PHLPP1: variants seen among roughly 807,000 people sequenced by gnomAD.
PHLPP1 encodes the protein PH domain and leucine rich repeat protein phosphatase 1.
A neutral mutation model predicts 117.2 loss-of-function variants in PHLPP1; 42 were observed. The ratio of observed to expected loss-of-function variants is 0.36; its 90% confidence interval spans 0.28 to 0.46. The LOEUF (loss-of-function observed/expected upper bound fraction) is 0.46. Among genes scored for constraint, PHLPP1 ranks in the 20% least tolerant of loss-of-function variants. The pLI, the probability that PHLPP1 is intolerant of heterozygous loss-of-function variation, is 1.00. For missense variants in PHLPP1, 2,084 were observed against 2,241.9 expected, an observed-to-expected ratio of 0.93 and a Z score of 1.42; for synonymous variants, 1,042 against 970.7, an observed-to-expected ratio of 1.07 and a Z score of -1.37.
intron 1 of PHLPP1, among the ~76,000 whole-genome samples, chr18:62,729,266 G>A (rs17070312): frequency 6.6e-6 from 1 of 152,076 alleles, no homozygotes; most frequent in Non-Finnish European, 1.5e-5. Context: ...AAGATTCTGT[G>A]TGTTGGACAA....
At chr18:62,827,233 AT>A (rs1264645929) in intron 1 of PHLPP1, among the ~76,000 whole-genome samples, 3 of 152,208 alleles carry the variant, frequency 2.0e-5, no homozygotes, top group African/African-American at 7.2e-5. Flanking sequence ...TTTTACGTCT[AT>A]TTTTCCTCCT....
At chr18:62,894,102 G>A (rs956987922) in intron 4 of PHLPP1, among the ~76,000 whole-genome samples, 2 of 152,166 alleles carry the variant, frequency 1.3e-5, no homozygotes, top group Non-Finnish European at 2.9e-5. Context: ...ATGAAGAAAA[G>A]GAAGGTAATA....
intron 6 of PHLPP1, among the ~76,000 whole-genome samples, chr18:62,900,792 G>A (rs1916704637): frequency 6.6e-6 from 1 of 152,108 alleles, no homozygotes; most frequent in Non-Finnish European, 1.5e-5. Flanking sequence ...GAGAGTGGAT[G>A]TATTTTCACC....
In PHLPP1 at chr18:62,716,921, C is replaced by G; in HGVS notation, c.1238C>G (p.Pro413Arg). Residue 413 changes from proline (P) to arginine (R), a missense_variant, in exon 1 of 17, where the codon CCT (proline) becomes CGT (arginine). By Grantham distance (103) the Pro-to-Arg change is moderately radical (BLOSUM62 -2). Coordinates refer to ENST00000262719, the MANE Select transcript of PHLPP1 (RefSeq NM_194449.4). The surrounding 1 kb of genome is among the most constrained non-coding windows in gnomAD (Gnocchi z 5.7). ...PLPLPQTASS[P>R]QPQQKAPRAI... ...CCGCTTCCCCAGACGGCTTCCTCGC[C>G]TCAGCCGCAGCAGAAAGCCCCGAGG... The G allele has an allele frequency of 6.5e-7, 1 of 1,534,048 alleles. No homozygotes were observed. The highest frequency in any genetic ancestry group is 8.7e-7 in the Non-Finnish European group (1 of 1,145,328).
chr18:62,747,990 G>A (rs1246790984), intron 1 of PHLPP1, among the ~76,000 whole-genome samples: 3 of 152,218 alleles, frequency 2.0e-5, no homozygotes, highest in South Asian at 2.1e-4. Context: ...TTGTGATCTG[G>A]TATAATTGTT....
chr18:62,793,116 A>G (rs1460984405), intron 1 of PHLPP1, among the ~76,000 whole-genome samples: 4 of 152,068 alleles, frequency 2.6e-5, no homozygotes, highest in Admixed American at 6.5e-5. Context: ...CAGAGGTTGC[A>G]GTGAGCTGAG....
At chr18:62,935,724 C>T (rs1048347204) in intron 10 of PHLPP1, among the ~76,000 whole-genome samples, 1 of 152,192 alleles carries the variant, frequency 6.6e-6, no homozygotes, top group Non-Finnish European at 1.5e-5. Flanking sequence ...TGGTTTTTGG[C>T]CGGGTGCCAT....
At chr18:62,863,785 T>G (rs1375991746) in intron 4 of PHLPP1, among the ~76,000 whole-genome samples, 1 of 152,172 alleles carries the variant, frequency 6.6e-6, no homozygotes, top group Non-Finnish European at 1.5e-5. Flanking sequence ...GGCCAGCTTC[T>G]TTACCGCATC....
intron 10 of PHLPP1, among the ~76,000 whole-genome samples, chr18:62,928,694 A>G (rs1909719857): frequency 6.6e-6 from 1 of 152,188 alleles, no homozygotes; most frequent in South Asian, 2.1e-4. Context: ...TTTACACCAA[A>G]CTTGTATATG....
chr18:62,763,960 C>T (rs1912357314), intron 1 of PHLPP1, among the ~76,000 whole-genome samples: 1 of 151,978 alleles, frequency 6.6e-6, no homozygotes, highest in Admixed American at 6.6e-5. Context: ...GTCAGCAGTT[C>T]AAGACTAGCC....
chr18:62,841,053 A>G (rs902903307), intron 3 of PHLPP1, among the ~76,000 whole-genome samples: 3 of 151,770 alleles, frequency 2.0e-5, no homozygotes, highest in African/African-American at 4.8e-5. Context: ...ATGCCTGGCT[A>G]ATTTTTGTAT....
intron 13 of PHLPP1, among the ~76,000 whole-genome samples, chr18:62,959,047 T>C (rs1266055594): frequency 6.6e-6 from 1 of 152,222 alleles, no homozygotes; most frequent in Admixed American, 6.5e-5. Context: ...GAAATCCAGG[T>C]TATTTAAATA....
chr18:62,800,552 T>A (rs1414419686), intron 1 of PHLPP1, among the ~76,000 whole-genome samples: 1 of 151,924 alleles, frequency 6.6e-6, no homozygotes, highest in Non-Finnish European at 1.5e-5. Context: ...TATATGCAGT[T>A]AAAATTCTCA....
At chr18:62,964,004 T>G (rs1397639276) in intron 14 of PHLPP1, among the ~76,000 whole-genome samples, 1 of 152,128 alleles carries the variant, frequency 6.6e-6, no homozygotes, top group Non-Finnish European at 1.5e-5. Flanking sequence ...TATCTTTTTC[T>G]TCTCCATTTT....
chr18:62,805,586 C>A (rs899765750), intron 1 of PHLPP1, among the ~76,000 whole-genome samples: 1 of 152,066 alleles, frequency 6.6e-6, no homozygotes, highest in African/African-American at 2.4e-5. Flanking sequence ...GTCCCACACT[C>A]CTGGGCCTAA....
intron 1 of PHLPP1, among the ~76,000 whole-genome samples, chr18:62,780,118 G>T (rs536980272): frequency 1.3e-5 from 2 of 152,154 alleles, no homozygotes; most frequent in South Asian, 2.1e-4. Flanking sequence ...GGTTGTATGC[G>T]TATGTGGTAT....
intron 10 of PHLPP1, among the ~76,000 whole-genome samples, chr18:62,933,588 A>G (rs567614493): frequency 3.3e-4 from 50 of 152,218 alleles, no homozygotes; most frequent in African/African-American, 1.2e-3. Context: ...CTGGACCCCT[A>G]CCTCCCACCA....
chr18:62,846,379 A>G (rs768903691), intron 3 of PHLPP1, among the ~76,000 whole-genome samples: 9 of 152,128 alleles, frequency 5.9e-5, no homozygotes, highest in Non-Finnish European at 1.2e-4. Context: ...TGGGTATAGG[A>G]AGACTTCAAG....
At chr18:62,821,384 A>C (rs980788291) in intron 1 of PHLPP1, among the ~76,000 whole-genome samples, 2 of 152,084 alleles carry the variant, frequency 1.3e-5, no homozygotes, top group Non-Finnish European at 2.9e-5. Context: ...CCCTGTCTCT[A>C]CAAAAAGTAC....
Sources: gnomAD v4.1 joint callset for allele counts (sites outside exome capture counted in the v4.1 genomes callset) on GRCh38, gnomAD v4.1.1 for gene constraint, Gnocchi (gnomAD v3.1) non-coding constraint, MANE v1.5 for transcripts, NCBI Gene and HGNC (gene_info 2026-07-23, HGNC 2026-07-21) for gene names.